SLC45A4: variants seen among roughly 807,000 people sequenced by gnomAD.
The protein encoded by SLC45A4 is solute carrier family 45 member 4, also known as polyamine-transporter SLC45A4.
Under a neutral mutation model 63.7 loss-of-function variants are expected in SLC45A4, and 32 were observed. The ratio of observed to expected loss-of-function variants is 0.50; its 90% confidence interval spans 0.38 to 0.67. The LOEUF (loss-of-function observed/expected upper bound fraction) is 0.67. Among genes scored for constraint, SLC45A4 ranks in the 30% least tolerant of loss-of-function variants. SLC45A4 has a pLI of 0.00. For missense variants in SLC45A4, 1,027 were observed against 1,157.7 expected (o/e 0.89, Z 1.64); for synonymous variants, 535 against 510.0 (o/e 1.05, Z -0.66).
Position 141,254,235 on chromosome 8 carries a change from C to T in SLC45A4, c.-6G>A. ...TTCTGCGGAGCCATTTTCATTACCACCAAAAATATATGTATTTATCTATAT... is the reference window on the plus strand; with the variant it reads ...TTCTGCGGAGCCATTTTCATTACCATCAAAAATATATGTATTTATCTATAT... On this transcript the variant is annotated 5_prime_UTR_variant, in exon 2 of 9. It adds an upstream start codon to the 5' untranslated region. Coordinates refer to ENST00000517878, the MANE Select transcript of SLC45A4 (RefSeq NM_001286646.2). The surrounding 1 kb of genome is among the most constrained non-coding windows in gnomAD (Gnocchi z 4.5). The T allele has an allele frequency of 6.5e-7, 1 of 1,528,614 alleles. No homozygotes were observed. The highest frequency in any genetic ancestry group is 2.0e-5 in the Admixed American group (1 of 49,904). 94.7% of individuals were successfully genotyped at this position (1,528,614 alleles called of 1,614,324 possible). A position where few individuals can be genotyped will look rare whatever the true frequency, so the allele number is the denominator to read the frequency against.
At chr8:141,294,972 C>A (rs1319958736) in intron 1 of SLC45A4, among the ~76,000 whole-genome samples, 1 of 152,220 alleles carries the variant, frequency 6.6e-6, no homozygotes, top group Non-Finnish European at 1.5e-5. Context: ...GCATTCACAC[C>A]CGGCAGAGTG....
chr8:141,252,464 T>TGCGC (rs1828513740), intron 2 of SLC45A4: 1 of 150,124 alleles, frequency 6.7e-6, no homozygotes, highest in Non-Finnish European at 1.5e-5. Context: ...CACGCCCACC[T>TGCGC]GTGCGTCTGT....
intron 1 of SLC45A4, among the ~76,000 whole-genome samples, chr8:141,263,779 A>AT (rs1407756200): frequency 2.0e-5 from 3 of 147,702 alleles, no homozygotes; most frequent in South Asian, 2.1e-4. Flanking sequence ...CAAAAAAAAA[A>AT]AAAATAAAAA....
chr8:141,223,998 T>C (rs1292366476), intron 2 of SLC45A4, among the ~76,000 whole-genome samples: 1 of 147,474 alleles, frequency 6.8e-6, no homozygotes, highest in East Asian at 2.0e-4. Context: ...AAGGATTTTC[T>C]GTAGTTTTTT....
chr8:141,220,550 C>G (rs1826547283), intron 3 of SLC45A4, among the ~76,000 whole-genome samples: 1 of 152,228 alleles, frequency 6.6e-6, no homozygotes, highest in South Asian at 2.1e-4. Flanking sequence ...TGGGTCTCCA[C>G]TTCCCACCAG....
At chr8:141,303,679 A>C (rs989613595) in intron 1 of SLC45A4, among the ~76,000 whole-genome samples, 5 of 152,194 alleles carry the variant, frequency 3.3e-5, no homozygotes, top group African/African-American at 4.8e-5. Context: ...AAACTACAAA[A>C]ACTCAGAGCA....
chr8:141,303,962 G>C (rs1049066882), intron 1 of SLC45A4, among the ~76,000 whole-genome samples: 1 of 152,170 alleles, frequency 6.6e-6, no homozygotes, highest in African/African-American at 2.4e-5. Context: ...CTCTGGACTG[G>C]CTGGCACCCT....
chr8:141,230,286 C>A (rs1242586192), intron 2 of SLC45A4: 3 of 363,312 alleles, frequency 8.3e-6, no homozygotes, highest in African/African-American at 4.3e-5. Flanking sequence ...TGTCAGAGCA[C>A]CCCATCTCAA....
At chr8:141,228,632 G>GTGA in intron 2 of SLC45A4, 2 of 1,076,894 alleles carry the variant, frequency 1.9e-6, no homozygotes, top group Non-Finnish European at 2.3e-6. Flanking sequence ...AAACATCTTT[G>GTGA]TGATGACACA....
At chr8:141,221,541 T>C (rs118093080) in intron 3 of SLC45A4, 36 bp downstream of exon 3, 47,764 of 1,596,484 alleles carry the variant, frequency 0.03, 855 homozygotes, top group Non-Finnish European at 0.036. Context: ...ACCCCGTCTG[T>C]GTTGTGAGGA....
chr8:141,212,145 C>CCCGGGGGGGGGGGGG, intron 8 of SLC45A4, 52 bp downstream of exon 8: 1 of 955,994 alleles, frequency 1.0e-6, no homozygotes. Flanking sequence ...GCCGCCCGCC[C>CCCGGGGGGGGGGGGG]GCCCGCCCAC....
rs1470068855 is a variant in SLC45A4, at chr8:141,218,237, T to C, written c.1403A>G (p.His468Arg). 4 of 1,601,698 alleles carry C rather than the reference T, an allele frequency of 2.5e-6. No individual in the cohort carries two copies. In the East Asian group the frequency reaches 6.7e-5, roughly 27 times the overall value. Reference sequence around the variant, plus strand: ...GGCCCCGCTCTGGTTCCGGTGCCGGTGCTGCCGCTGCCGCTTCTGCATGTC... The same window carrying C: ...GGCCCCGCTCTGGTTCCGGTGCCGGCGCTGCCGCTGCCGCTTCTGCATGTC... Reference protein sequence around the residue: ...LYDMQKRQRQHRHRNQSGATT... With the variant: ...LYDMQKRQRQRRHRNQSGATT... Residue 468 changes from histidine (H) to arginine (R), a missense_variant, in exon 5 of 9, where the codon CAC becomes CGC. His to Arg is a conservative substitution (Grantham distance 29). Transcript: ENST00000517878.
intron 2 of SLC45A4, among the ~76,000 whole-genome samples, chr8:141,250,888 C>G (rs768689401): frequency 6.6e-6 from 1 of 152,108 alleles, no homozygotes; most frequent in Non-Finnish European, 1.5e-5. Flanking sequence ...ATAATCAAAA[C>G]AAAACAATGA....
chr8:141,307,412 G>A (rs1830931171), intron 1 of SLC45A4, among the ~76,000 whole-genome samples: 1 of 152,186 alleles, frequency 6.6e-6, no homozygotes, highest in South Asian at 2.1e-4. Flanking sequence ...CAGTGCCGAT[G>A]AGACCGGGGC....
intron 1 of SLC45A4, among the ~76,000 whole-genome samples, chr8:141,274,251 G>A (rs1215168741): frequency 6.6e-6 from 1 of 151,518 alleles, no homozygotes; most frequent in Non-Finnish European, 1.5e-5. Context: ...TGTAAAGTTT[G>A]GGCCAGGTGT....
In SLC45A4 at chr8:141,218,631, C is replaced by T. The variant is rs762706477; in HGVS notation, c.1009G>A (p.Asp337Asn). ...LHDIEPSIFHDASYPATPRST... is the reference protein window; with the variant it reads ...LHDIEPSIFHNASYPATPRST... Reference sequence around the variant, plus strand: ...CGGGGGGTGGCGGGGTAGGAGGCGTCGTGGAAGATGGAGGGCTCGATGTCG... The same window carrying T: ...CGGGGGGTGGCGGGGTAGGAGGCGTTGTGGAAGATGGAGGGCTCGATGTCG... The change falls in exon 5 of 9, where the codon GAC (aspartate) becomes AAC (asparagine). Residue 337 changes from aspartate (D) to asparagine (N), a missense_variant. By Grantham distance (23) the Asp-to-Asn change is conservative (BLOSUM62 1). Transcript: ENST00000517878. 9.3e-6 allele frequency: 15 copies of T among 1,613,166 alleles called. No individual in the cohort carries two copies. Among genetic ancestry groups the T allele is most frequent in the African/African-American group, 1.3e-5 (1 of 74,892 alleles).
At chr8:141,212,141 C>CCCCCCCCGGGGGGGGGG in intron 8 of SLC45A4, 56 bp downstream of exon 8, 2 of 1,109,168 alleles carry the variant, frequency 1.8e-6, no homozygotes. Flanking sequence ...CCCCGCCGCC[C>CCCCCCCCGGGGGGGGGG]GCCCGCCCGC....
chr8:141,249,782 C>T (rs1417776731), intron 2 of SLC45A4, among the ~76,000 whole-genome samples: 1 of 152,230 alleles, frequency 6.6e-6, no homozygotes, highest in East Asian at 1.9e-4. Context: ...ACTTTGGTCA[C>T]TACGTTGCCC....
At chr8:141,248,634 G>A (rs1828328945) in intron 2 of SLC45A4, among the ~76,000 whole-genome samples, 1 of 152,170 alleles carries the variant, frequency 6.6e-6, no homozygotes, top group Admixed American at 6.5e-5. Flanking sequence ...GGGAGACCAA[G>A]GTAAGAGGAT....
Sources: gnomAD v4.1 joint callset for allele counts (sites outside exome capture counted in the v4.1 genomes callset) on GRCh38, gnomAD v4.1.1 for gene constraint, Gnocchi (gnomAD v3.1) non-coding constraint, MANE v1.5 for transcripts, NCBI Gene and HGNC (gene_info 2026-07-23, HGNC 2026-07-21) for gene names.